Variants in TPTE2 observed in about 807,000 individuals in gnomAD.
TPTE2 encodes the protein phosphatidylinositol 3,4,5-trisphosphate 3-phosphatase TPTE2.
In TPTE2, 53 loss-of-function variants were observed where a neutral mutation model predicts 78.6. That is an observed-to-expected ratio of 0.67 (90% confidence interval 0.54 to 0.85). The LOEUF (loss-of-function observed/expected upper bound fraction) is 0.85. Ranked by LOEUF, TPTE2 falls within the 40% of genes least tolerant of loss-of-function variation. The probability of loss-of-function intolerance (pLI) is 0.00; values close to 1 mark genes in which losing one functional copy is unlikely to be tolerated. For missense variants in TPTE2, 461 were observed against 623.0 expected (o/e 0.74, Z 2.77); for synonymous variants, 175 against 206.2 (o/e 0.85, Z 1.30).
chr13:19,520,884 C>T (rs571433880), intron 1 of TPTE2, among the ~76,000 whole-genome samples: 1 of 151,980 alleles, frequency 6.6e-6, no homozygotes, highest in Non-Finnish European at 1.5e-5. Context: ...TGTTTCATTT[C>T]CATATATTGG....
intron 15 of TPTE2, among the ~76,000 whole-genome samples, chr13:19,433,062 C>T (rs1421410361): frequency 6.6e-6 from 1 of 152,178 alleles, no homozygotes; most frequent in Admixed American, 6.5e-5. Context: ...AATTTCTTCA[C>T]TTTGCATTTC....
At chr13:19,447,366 C>T (rs1877908803) in intron 13 of TPTE2, among the ~76,000 whole-genome samples, 1 of 152,150 alleles carries the variant, frequency 6.6e-6, no homozygotes, top group Non-Finnish European at 1.5e-5. Flanking sequence ...CTGATGCTAA[C>T]TTCTTTAATA....
chr13:19,501,851 T>C (rs1294934392), intron 1 of TPTE2, among the ~76,000 whole-genome samples: 1 of 151,328 alleles, frequency 6.6e-6, no homozygotes, highest in Non-Finnish European at 1.5e-5. Flanking sequence ...ATCATCAGAG[T>C]GAACAGGCAA....
At chr13:19,454,014 C>A (rs554717649) in intron 10 of TPTE2, among the ~76,000 whole-genome samples, 2 of 152,262 alleles carry the variant, frequency 1.3e-5, no homozygotes, top group East Asian at 3.9e-4. Flanking sequence ...TTAGTACATT[C>A]CTTGATTTGG....
At chr13:19,536,654 A>C (rs531241891) in exon 1 of TPTE2, 1 of 152,202 alleles carries the variant, frequency 6.6e-6, no homozygotes, top group South Asian at 2.1e-4. Flanking sequence ...GCTCTATTTC[A>C]ATCATTTTCA....
chr13:19,456,805 T>C (rs766258215), intron 10 of TPTE2, among the ~76,000 whole-genome samples: 1 of 152,126 alleles, frequency 6.6e-6, no homozygotes, highest in East Asian at 1.9e-4. Context: ...TGTGTGTGTG[T>C]GTATGTAAAT....
Position 19,503,139 on chromosome 13 carries a change from A to G in TPTE2, c.11+85T>C, listed in dbSNP as rs1566068618. 6 of 1,585,786 alleles carry G rather than the reference A, an allele frequency of 3.8e-6. No individual in the cohort carries two copies. The East Asian group carries it at 9.0e-5, about 24-fold the overall frequency. On this transcript the variant is annotated intron_variant, in intron 1 of 19. Transcript: ENST00000400230. ...TGGATGCATGGATGCATGGATGGAT[A>G]TATTTGTTTATGTGCCTGTGTGTGT... is the stretch of plus-strand genomic sequence containing the variant.
At chr13:19,518,583 T>C (rs1218129397) in intron 1 of TPTE2, among the ~76,000 whole-genome samples, 1 of 152,198 alleles carries the variant, frequency 6.6e-6, no homozygotes, top group Non-Finnish European at 1.5e-5. Context: ...TTAGAATATC[T>C]AAAATTTGAA....
At chr13:19,465,172 A>C in intron 9 of TPTE2, 83 bp downstream of exon 12, 3 of 1,508,968 alleles carry the variant, frequency 2.0e-6, no homozygotes, top group Non-Finnish European at 2.8e-6. Context: ...TTTTGAATGA[A>C]TGTGTCTTAG....
the TPTE2 span, among the ~76,000 whole-genome samples, chr13:19,558,626 G>A: frequency 6.6e-6 from 1 of 152,196 alleles, no homozygotes; most frequent in Non-Finnish European, 1.5e-5. Context: ...CACATTTCAT[G>A]TTTAGGTGCA....
chr13:19,518,738 G>A (rs898993026), intron 1 of TPTE2, among the ~76,000 whole-genome samples: 12 of 152,146 alleles, frequency 7.9e-5, no homozygotes, highest in African/African-American at 2.9e-4. Flanking sequence ...AACATGTAGA[G>A]AACTTGGAAG....
chr13:19,474,292 A>C (rs913614727), intron 5 of TPTE2, among the ~76,000 whole-genome samples: 2 of 152,208 alleles, frequency 1.3e-5, no homozygotes, highest in African/African-American at 2.4e-5. Context: ...TTCTTAATAA[A>C]CAAAATTCTC....
At chr13:19,436,081 A>C in intron 15 of TPTE2, 145 bp downstream of exon 18, 1 of 629,918 alleles carries the variant, frequency 1.6e-6, no homozygotes, top group Non-Finnish European at 2.7e-6. Flanking sequence ...CCTCAGACTC[A>C]GGGAGGGACC....
chr13:19,547,122 G>T, the TPTE2 span, among the ~76,000 whole-genome samples: 3 of 151,862 alleles, frequency 2.0e-5, no homozygotes, highest in Non-Finnish European at 2.9e-5. Context: ...ATGAATCTAG[G>T]ATAAGAATGG....
chr13:19,438,917 G>A (rs1322152991), intron 13 of TPTE2, among the ~76,000 whole-genome samples: 2 of 152,156 alleles, frequency 1.3e-5, no homozygotes. Context: ...GCATCCCTCT[G>A]TCTCACCTTT....
chr13:19,552,406 TCTAAAGTCTTTTTAAAAAAAC>T, the TPTE2 span, among the ~76,000 whole-genome samples: 56 of 152,328 alleles, frequency 3.7e-4, no homozygotes, highest in Admixed American at 6.5e-4. Flanking sequence ...TAAGTGAAAT[TCTAAAGTCTTTTTAAAAAAAC>T]CTTGTCAGAT....
intron 10 of TPTE2, chr13:19,458,754 A>T (rs1468585785): frequency 2.4e-6 from 1 of 414,352 alleles, no homozygotes; most frequent in African/African-American, 2.0e-5. Flanking sequence ...CACTACAAAG[A>T]TTCCCGCTCA....
chr13:19,504,501 T>C (rs1176985756), upstream of TPTE2, among the ~76,000 whole-genome samples: 4 of 152,142 alleles, frequency 2.6e-5, no homozygotes, highest in South Asian at 4.2e-4. Context: ...CTGTTTTTTT[T>C]CCCCGAGGGC....
the TPTE2 span, among the ~76,000 whole-genome samples, chr13:19,549,608 ACT>A: frequency 8.0e-6 from 1 of 125,632 alleles, no homozygotes; most frequent in Non-Finnish European, 1.8e-5. Flanking sequence ...TTCTCAAAGA[ACT>A]TAAAACAGGA....
Sources: gnomAD v4.1 joint callset for allele counts (sites outside exome capture counted in the v4.1 genomes callset) on GRCh38, gnomAD v4.1.1 for gene constraint, MANE v1.5 for transcripts, NCBI Gene and HGNC (gene_info 2026-07-23, HGNC 2026-07-21) for gene names.